Variants in DGKG observed in about 807,000 individuals in gnomAD.
DGKG encodes diacylglycerol kinase gamma, also known as DAG kinase gamma.
A neutral mutation model predicts 105.3 loss-of-function variants in DGKG; 78 were observed. The ratio of observed to expected loss-of-function variants is 0.74; its 90% CI spans 0.62 to 0.89. The LOEUF (loss-of-function observed/expected upper bound fraction) is 0.89. DGKG is among the 40% of genes least tolerant of loss of function. The probability of loss-of-function intolerance (pLI) is 0.00; values close to 1 mark genes in which losing one functional copy is unlikely to be tolerated. For synonymous variants in DGKG, 346 were observed against 367.1 expected, an observed-to-expected ratio of 0.94 and a Z score of 0.66; for missense variants, 958 against 1,020.1, an observed-to-expected ratio of 0.94 and a Z score of 0.83.
At chr3:186,183,213 T>C (rs1717442272) in intron 22 of DGKG, among the ~76,000 whole-genome samples, 1 of 152,194 alleles carries the variant, frequency 6.6e-6, no homozygotes, top group Admixed American at 6.5e-5. Context: ...CTAGGAGTCA[T>C]GGGCTTGAAT....
intron 20 of DGKG, among the ~76,000 whole-genome samples, chr3:186,222,583 C>T (rs866285295): frequency 6.6e-6 from 1 of 152,214 alleles, no homozygotes; most frequent in Non-Finnish European, 1.5e-5. Context: ...TGGCTCACGC[C>T]TGTAATCCCA....
intron 20 of DGKG, among the ~76,000 whole-genome samples, chr3:186,212,863 A>C (rs540398129): frequency 6.6e-5 from 10 of 152,302 alleles, no homozygotes; most frequent in Admixed American, 6.5e-4. Context: ...TCTTCTTGGC[A>C]CTCAGAAGAG....
chr3:186,333,378 T>C (rs747173980), intron 1 of DGKG, among the ~76,000 whole-genome samples: 4 of 152,178 alleles, frequency 2.6e-5, no homozygotes, highest in Non-Finnish European at 5.9e-5. Context: ...TTTTTCTTAA[T>C]GGGGACCTTA....
chr3:186,252,049 T>A, intron 18 of DGKG, 130 bp from the exon 19 acceptor site: 1 of 798,062 alleles, frequency 1.3e-6, no homozygotes, highest in Non-Finnish European at 1.9e-6. Flanking sequence ...GTCTGTGGGC[T>A]AGAGACACTT....
At chr3:186,171,917 A>T (rs964982577) in intron 22 of DGKG, among the ~76,000 whole-genome samples, 1 of 151,324 alleles carries the variant, frequency 6.6e-6, no homozygotes, top group Non-Finnish European at 1.5e-5. Flanking sequence ...GTGCAATCGC[A>T]TGATCTTGGC....
At chr3:186,169,119 G>T (rs1479800979) in intron 22 of DGKG, among the ~76,000 whole-genome samples, 4 of 152,130 alleles carry the variant, frequency 2.6e-5, no homozygotes, top group Non-Finnish European at 5.9e-5. Flanking sequence ...TATGGGAATA[G>T]TTAAATAAGT....
chr3:186,340,655 A>T (rs1485393681), intron 1 of DGKG, among the ~76,000 whole-genome samples: 1 of 152,188 alleles, frequency 6.6e-6, no homozygotes, highest in Non-Finnish European at 1.5e-5. Context: ...TTTTAAATAT[A>T]TAAATACTCT....
At chr3:186,253,044 A>T (rs191290735) in intron 18 of DGKG, 49 bp downstream of exon 18, 2 of 1,535,630 alleles carry the variant, frequency 1.3e-6, no homozygotes, top group East Asian at 4.5e-5. Flanking sequence ...GCATCTCTGT[A>T]AACAGGAACA....
At chr3:186,288,294 A>G (rs1236728949) in intron 6 of DGKG, among the ~76,000 whole-genome samples, 1 of 152,212 alleles carries the variant, frequency 6.6e-6, no homozygotes, top group Non-Finnish European at 1.5e-5. Flanking sequence ...CCTCATAGTT[A>G]AAGAGTTGCC....
At chr3:186,288,957 T>C in intron 5 of DGKG, 77 bp from the exon 6 acceptor site, 1 of 1,406,466 alleles carries the variant, frequency 7.1e-7, no homozygotes, top group Non-Finnish European at 9.6e-7. Flanking sequence ...TACCCCATCC[T>C]TTTCATGGTA....
intron 20 of DGKG, among the ~76,000 whole-genome samples, chr3:186,237,325 C>G (rs9878973): frequency 3.3e-5 from 5 of 152,208 alleles, no homozygotes; most frequent in African/African-American, 1.2e-4. Context: ...TAGTTTAATG[C>G]TTTGCTGTCC....
At position 186,193,722 on chromosome 3, in the gene DGKG, C is replaced by G. The variant is rs539588535; in HGVS notation, c.1918-5343G>C. On this transcript the variant is annotated intron_variant, in intron 21 of 24. Transcript: ENST00000265022. Reference sequence around the variant, plus strand: ...CTAAATGGAACGCCGGCCCCGGGGCCCGCTCCCCGGCGGGTTCCCGAGCTA... The same window carrying G: ...CTAAATGGAACGCCGGCCCCGGGGCGCGCTCCCCGGCGGGTTCCCGAGCTA... Among the ~76,000 whole-genome samples, 9 of 152,310 alleles carry G rather than the reference C, an allele frequency of 5.9e-5. No homozygotes were observed. In the East Asian group the frequency reaches 1.7e-3, roughly 29 times the overall value.
chr3:186,151,536 C>G (rs1715759390), intron 24 of DGKG, among the ~76,000 whole-genome samples: 1 of 152,136 alleles, frequency 6.6e-6, no homozygotes, highest in South Asian at 2.1e-4. Flanking sequence ...AGAGAAGTCA[C>G]AGATGAGCAG....
chr3:186,227,768 T>C (rs1719925212), intron 20 of DGKG, among the ~76,000 whole-genome samples: 1 of 152,220 alleles, frequency 6.6e-6, no homozygotes, highest in Admixed American at 6.5e-5. Flanking sequence ...ACCTTGTTTT[T>C]CAATTTCTTC....
In DGKG at chr3:186,335,790, C is replaced by T. The variant is rs186720029; in HGVS notation, c.-248-15083G>A. Among the ~76,000 whole-genome samples, 475 of 152,214 alleles carry T rather than the reference C, an allele frequency of 3.1e-3. 5 individuals carry two copies. The highest frequency in any genetic ancestry group is 1.0e-3 in the Non-Finnish European group (70 of 68,008). On this transcript the variant is annotated intron_variant, in intron 1 of 24. Transcript: ENST00000265022. ...TGGACAGTAATAACAGTATCACTTTCGCAACTACTACTATTATTTCCACAA... is the reference window on the plus strand; with the variant it reads ...TGGACAGTAATAACAGTATCACTTTTGCAACTACTACTATTATTTCCACAA...
chr3:186,155,307 C>T (rs945584631), intron 24 of DGKG, among the ~76,000 whole-genome samples: 9 of 152,192 alleles, frequency 5.9e-5, no homozygotes, highest in African/African-American at 2.2e-4. Context: ...ATTCTCCCGC[C>T]TCAGTCTCCT....
chr3:186,359,517 C>CAAACTGGGT (rs1727129635), intron 1 of DGKG, among the ~76,000 whole-genome samples: 1 of 152,164 alleles, frequency 6.6e-6, no homozygotes, highest in South Asian at 2.1e-4. Flanking sequence ...GGGTTTGAAT[C>CAAACTGGGT]TTGATTCTGC....
intron 1 of DGKG, among the ~76,000 whole-genome samples, chr3:186,340,315 T>G (rs1022555677): frequency 1.1e-4 from 16 of 151,970 alleles, no homozygotes; most frequent in African/African-American, 3.6e-4. Context: ...CTTGCAGGGG[T>G]TAGGAGTGGC....
chr3:186,234,584 G>A (rs1447003737), intron 20 of DGKG, among the ~76,000 whole-genome samples: 1 of 152,140 alleles, frequency 6.6e-6, no homozygotes, highest in Non-Finnish European at 1.5e-5. Flanking sequence ...ATCACAAACC[G>A]ATTCTACTCT....
Sources: gnomAD v4.1 joint callset for allele counts (sites outside exome capture counted in the v4.1 genomes callset) on GRCh38, gnomAD v4.1.1 for gene constraint, MANE v1.5 for transcripts, NCBI Gene and HGNC (gene_info 2026-07-23, HGNC 2026-07-21) for gene names.